RUNX1T1: variants seen among roughly 807,000 people sequenced by gnomAD.
RUNX1T1 encodes protein CBFA2T1.
RUNX1T1 carries 4 observed loss-of-function variants against 62.8 expected under a neutral mutation model. That is an observed-to-expected ratio of 0.06 (90% confidence interval 0.03 to 0.15). RUNX1T1 has a LOEUF of 0.15. Among genes scored for constraint, RUNX1T1 ranks in the 10% least tolerant of loss-of-function variants. RUNX1T1 has a pLI of 1.00. For missense variants in RUNX1T1, 508 were observed against 754.3 expected, an observed-to-expected ratio of 0.67 and a Z score of 3.82; for synonymous variants, 291 against 286.0, an observed-to-expected ratio of 1.02 and a Z score of -0.18.
At chr8:92,065,387 G>A (rs1027901780), upstream of RUNX1T1, among the ~76,000 whole-genome samples, 2 of 152,094 alleles carry the variant, frequency 1.3e-5, no homozygotes, top group Non-Finnish European at 1.5e-5. Flanking sequence ...CAATAACAAA[G>A]AATACATTAC....
chr8:91,966,148 T>C (rs1299377771), intron 10 of RUNX1T1, among the ~76,000 whole-genome samples: 3 of 147,100 alleles, frequency 2.0e-5, no homozygotes, highest in Non-Finnish European at 4.5e-5. Flanking sequence ...ATTGTACATA[T>C]TGTATATTGT....
At chr8:92,050,791 T>C (rs73695110) in intron 1 of RUNX1T1, among the ~76,000 whole-genome samples, 393 of 152,324 alleles carry the variant, frequency 2.6e-3, no homozygotes, top group African/African-American at 8.9e-3. Flanking sequence ...ATTTAGATCA[T>C]GTCACTTCCT....
At chr8:92,007,332 T>C (rs1820984368) in intron 4 of RUNX1T1, among the ~76,000 whole-genome samples, 1 of 151,776 alleles carries the variant, frequency 6.6e-6, no homozygotes, top group African/African-American at 2.4e-5. Flanking sequence ...CTGGGTGTGG[T>C]GGCACGCACC....
intron 1 of RUNX1T1, among the ~76,000 whole-genome samples, chr8:92,083,995 A>C (rs1363381203): frequency 1.3e-5 from 2 of 152,112 alleles, no homozygotes; most frequent in African/African-American, 4.8e-5. Context: ...AAACTATCAC[A>C]AGATCAGAAA....
chr8:92,099,050 C>A (rs1837920493), intron 1 of RUNX1T1, among the ~76,000 whole-genome samples: 1 of 152,110 alleles, frequency 6.6e-6, no homozygotes, highest in African/African-American at 2.4e-5. Flanking sequence ...AAAATGTTCC[C>A]ACTGACAGAT....
At chr8:92,091,944 T>C (rs1837089114) in intron 1 of RUNX1T1, among the ~76,000 whole-genome samples, 1 of 152,230 alleles carries the variant, frequency 6.6e-6, no homozygotes, top group African/African-American at 2.4e-5. Flanking sequence ...CCTTCCCCTT[T>C]ATACATTCCT....
At chr8:92,013,287 G>A (rs1822335384) in intron 3 of RUNX1T1, among the ~76,000 whole-genome samples, 1 of 152,210 alleles carries the variant, frequency 6.6e-6, no homozygotes, top group African/African-American at 2.4e-5. Context: ...TGTCTTGGAA[G>A]TTTATGAGGT....
intron 1 of RUNX1T1, among the ~76,000 whole-genome samples, chr8:92,099,221 T>A (rs1229363132): frequency 6.6e-6 from 1 of 152,224 alleles, no homozygotes; most frequent in Non-Finnish European, 1.5e-5. Flanking sequence ...TCTTATAGAT[T>A]TTAAGTTGTT....
chr8:92,035,311 TAA>T (rs1268721951), intron 1 of RUNX1T1, among the ~76,000 whole-genome samples: 2 of 88,570 alleles, frequency 2.3e-5, no homozygotes, highest in African/African-American at 8.6e-5. Context: ...AAAAAAAAAA[TAA>T]GAGTGGGATA....
upstream of RUNX1T1, among the ~76,000 whole-genome samples, chr8:92,067,165 G>A (rs1832998065): frequency 6.6e-6 from 1 of 152,222 alleles, no homozygotes; most frequent in East Asian, 1.9e-4. Flanking sequence ...ATGAGATGGA[G>A]TCAAGTAAAA....
upstream of RUNX1T1, among the ~76,000 whole-genome samples, chr8:92,063,954 ACT>A (rs1344507262): frequency 6.6e-6 from 1 of 151,980 alleles, no homozygotes; most frequent in Non-Finnish European, 1.5e-5. Flanking sequence ...ATTCCCGTTA[ACT>A]CTTGCTATTC....
chr8:92,093,094 A>G (rs555951675), intron 1 of RUNX1T1, among the ~76,000 whole-genome samples: 8 of 152,256 alleles, frequency 5.3e-5, no homozygotes, highest in African/African-American at 1.9e-4. Context: ...CCTTCTGAAA[A>G]TTTACACATG....
At chr8:91,974,364 T>A (rs1274235706) in intron 9 of RUNX1T1, among the ~76,000 whole-genome samples, 3 of 152,112 alleles carry the variant, frequency 2.0e-5, no homozygotes, top group African/African-American at 7.2e-5. Context: ...AAACAAAGAC[T>A]TGAGCAGATA....
At chr8:92,094,958 A>C in intron 1 of RUNX1T1, 2 of 1,103,470 alleles carry the variant, frequency 1.8e-6, no homozygotes, top group South Asian at 2.7e-5. Flanking sequence ...CCCTTTATCG[A>C]GTCTCTTTAA....
At chr8:92,054,983 C>T (rs549576436) in intron 1 of RUNX1T1, among the ~76,000 whole-genome samples, 1 of 151,822 alleles carries the variant, frequency 6.6e-6, no homozygotes, top group South Asian at 2.1e-4. Context: ...CCAGCCTGGG[C>T]GACAGAGTGA....
chr8:92,083,281 A>T (rs1399816872), intron 1 of RUNX1T1, among the ~76,000 whole-genome samples: 1 of 152,250 alleles, frequency 6.6e-6, no homozygotes, highest in Non-Finnish European at 1.5e-5. Context: ...GCTTCTGAAC[A>T]GCAAAAGAAA....
chr8:92,095,661 A>G, intron 1 of RUNX1T1: 3 of 942,220 alleles, frequency 3.2e-6, no homozygotes, highest in South Asian at 2.4e-5. Flanking sequence ...AGGGAAGGAG[A>G]GACACAGGCA....
intron 5 of RUNX1T1, among the ~76,000 whole-genome samples, chr8:92,000,785 T>C (rs1230368026): frequency 6.6e-6 from 1 of 152,162 alleles, no homozygotes; most frequent in Non-Finnish European, 1.5e-5. Context: ...TAAAAATATA[T>C]ATAAAACCTC....
In RUNX1T1 at chr8:92,062,559, AT is replaced by A. The variant is rs896008121; in HGVS notation, c.-8del. ...GGGCTAACTCACCAGGCATCCTTGA[AT>A]CCAGCGTACCACACAGAAAGTGGCT... On this transcript the variant is annotated 5_prime_UTR_variant, in exon 1 of 11. Transcript: ENST00000396218. 10 of 1,613,948 alleles carry A rather than the reference AT, an allele frequency of 6.2e-6. No homozygotes were observed. The Admixed American group carries it at 1.3e-4, about 22-fold the overall frequency.
Sources: allele counts gnomAD v4.1 joint callset (sites outside exome capture counted in the v4.1 genomes callset), GRCh38; gene constraint gnomAD v4.1.1; transcripts MANE v1.5; gene names NCBI Gene and HGNC (gene_info 2026-07-23, HGNC 2026-07-21).